The following INTS9 variants were observed in gnomAD, a reference collection of about 807,000 sequenced individuals.
INTS9 encodes integrator complex subunit 9.
In INTS9, 55 loss-of-function variants were observed where a neutral mutation model predicts 79.7. The ratio of observed to expected loss-of-function variants is 0.69; its 90% confidence interval spans 0.56 to 0.86. The LOEUF is 0.86. INTS9 is among the 40% of genes least tolerant of loss of function. INTS9 has a pLI of 0.00. For synonymous variants in INTS9, 319 were observed against 325.2 expected (o/e 0.98, Z 0.20); for missense variants, 721 against 831.5 (o/e 0.87, Z 1.64).
intron 6 of INTS9, among the ~76,000 whole-genome samples, chr8:28,827,213 G>A (rs897882356): frequency 1.3e-5 from 2 of 152,172 alleles, no homozygotes; most frequent in Admixed American, 6.5e-5. Flanking sequence ...TGTTTCATAA[G>A]TACTTTCTAA....
chr8:28,835,093 C>T (rs1275014551), intron 6 of INTS9, among the ~76,000 whole-genome samples, 199 bp downstream of exon 6: 1 of 152,198 alleles, frequency 6.6e-6, no homozygotes, highest in East Asian at 1.9e-4. Flanking sequence ...AACTCTGGTA[C>T]CCAGCATAGC....
intron 6 of INTS9, among the ~76,000 whole-genome samples, chr8:28,825,556 ATGGCCCTTCCC>A (rs895182339): frequency 1.3e-5 from 2 of 152,190 alleles, no homozygotes; most frequent in African/African-American, 4.8e-5. Flanking sequence ...TCTTCTCTTG[ATGGCCCTTCCC>A]AGCACAGCCT....
chr8:28,819,628 T>C lies in INTS9; in HGVS notation c.489-6016A>G, dbSNP rs571756547. Reference sequence around the variant, plus strand: ...GTGGTGCTGAAAAAATTGTATATTCTGTTGATTTGGGGTGGAGAGTTCTGT... The same window carrying C: ...GTGGTGCTGAAAAAATTGTATATTCCGTTGATTTGGGGTGGAGAGTTCTGT... On this transcript the variant is annotated intron_variant, in intron 6 of 16. Coordinates refer to ENST00000521022, the MANE Select transcript of INTS9 (RefSeq NM_018250.4). Among the ~76,000 whole-genome samples the C allele has an allele frequency of 3.3e-5, 5 of 152,348 alleles. No individual in the cohort carries two copies. In the East Asian group the frequency reaches 9.6e-4, roughly 29 times the overall value.
intron 8 of INTS9, among the ~76,000 whole-genome samples, chr8:28,810,704 A>C (rs1805064780): frequency 6.6e-6 from 1 of 152,206 alleles, no homozygotes; most frequent in Non-Finnish European, 1.5e-5. Context: ...ACAGCTAACT[A>C]ATGTCCCCCC....
intron 6 of INTS9, among the ~76,000 whole-genome samples, chr8:28,832,828 G>A (rs1806574059): frequency 6.6e-6 from 1 of 152,006 alleles, no homozygotes; most frequent in South Asian, 2.1e-4. Flanking sequence ...TGGGCATGGT[G>A]GCGCTCACCT....
intron 10 of INTS9, among the ~76,000 whole-genome samples, chr8:28,791,486 C>T (rs1426434295): frequency 1.3e-5 from 2 of 152,226 alleles, no homozygotes; most frequent in Admixed American, 6.5e-5. Context: ...CCACCCAACT[C>T]ATCCTTAAAT....
intron 6 of INTS9, among the ~76,000 whole-genome samples, chr8:28,825,833 G>T (rs1441563442): frequency 6.6e-6 from 1 of 152,180 alleles, no homozygotes; most frequent in African/African-American, 2.4e-5. Context: ...AGAAATTACT[G>T]GTGTTTCAAG....
intron 8 of INTS9, chr8:28,798,332 C>CAAGG (rs1804331943): frequency 6.6e-6 from 1 of 152,146 alleles, no homozygotes; most frequent in African/African-American, 2.4e-5. Context: ...AGAAAGGAAC[C>CAAGG]AAGGCATCAA....
intron 4 of INTS9, 126 bp from the exon 5 acceptor site, chr8:28,837,902 T>G: frequency 2.3e-6 from 2 of 869,976 alleles, no homozygotes; most frequent in Non-Finnish European, 3.5e-6. Context: ...ATGGCTTTCC[T>G]GCAACACTGC....
At chr8:28,776,993 G>C (rs1381963611) in intron 13 of INTS9, among the ~76,000 whole-genome samples, 1 of 152,210 alleles carries the variant, frequency 6.6e-6, no homozygotes, top group Non-Finnish European at 1.5e-5. Context: ...TACCTAGAGA[G>C]TGCCAGTATT....
chr8:28,768,472 A>C (rs1444130631), intron 16 of INTS9, 150 bp from the exon 17 acceptor site: 2 of 704,568 alleles, frequency 2.8e-6, no homozygotes, highest in Non-Finnish European at 4.9e-6. Context: ...TGATAGTGAT[A>C]GTTTCTTATA....
At chr8:28,793,203 C>A (rs1352756346) in intron 10 of INTS9, among the ~76,000 whole-genome samples, 2 of 152,180 alleles carry the variant, frequency 1.3e-5, no homozygotes, top group Non-Finnish European at 2.9e-5. Flanking sequence ...TTGGGAAGCA[C>A]CATTCTAAGG....
At chr8:28,817,133 T>C (rs1412313485) in intron 6 of INTS9, among the ~76,000 whole-genome samples, 2 of 150,596 alleles carry the variant, frequency 1.3e-5, no homozygotes, top group African/African-American at 4.9e-5. Context: ...TAGTTTCTTT[T>C]GCTGTGCAGA....
chr8:28,818,102 G>A (rs1234916370), intron 6 of INTS9, among the ~76,000 whole-genome samples: 2 of 145,074 alleles, frequency 1.4e-5, no homozygotes, highest in Non-Finnish European at 3.0e-5. Flanking sequence ...TGCAAACAGG[G>A]ACAATTTGAC....
intron 6 of INTS9, among the ~76,000 whole-genome samples, chr8:28,820,762 AT>A (rs942952493): frequency 1.4e-4 from 21 of 152,200 alleles, no homozygotes; most frequent in African/African-American, 5.1e-4. Flanking sequence ...GTTTCAGACA[AT>A]CAGAATGATG....
At chr8:28,882,731 A>C (rs1247154230) in intron 1 of INTS9, among the ~76,000 whole-genome samples, 2 of 152,194 alleles carry the variant, frequency 1.3e-5, no homozygotes, top group Admixed American at 6.5e-5. Flanking sequence ...TACAATACCT[A>C]TTAAAGAATA....
intron 5 of INTS9, 119 bp downstream of exon 5, chr8:28,837,518 T>G: frequency 9.1e-7 from 1 of 1,093,394 alleles, no homozygotes; most frequent in Non-Finnish European, 1.3e-6. Context: ...TGCCTGTTCT[T>G]TGGGTTAGTT....
In INTS9 at chr8:28,767,806, G is replaced by C. The variant is rs2130825129; in HGVS notation, c.*340C>G. 2 of 306,710 alleles carry C rather than the reference G, an allele frequency of 6.5e-6. No individual in the cohort carries two copies. Among genetic ancestry groups the C allele is most frequent in the South Asian group, 7.4e-5 (2 of 27,176 alleles). The allele number at this position is 306,710 out of a possible 1,614,324, so 19.0% of individuals were successfully genotyped here. A position where few individuals can be genotyped will look rare whatever the true frequency, so the allele number is the denominator to read the frequency against. On this transcript the variant is annotated 3_prime_UTR_variant, in exon 17 of 17. Coordinates refer to ENST00000521022, the MANE Select transcript of INTS9 (RefSeq NM_018250.4). ...ACGAAACCAAAGGCTGGCTCCCCTG[G>C]CCGAGGCCTGGGACTGATGCAAGAC...
intron 2 of INTS9, among the ~76,000 whole-genome samples, chr8:28,853,191 G>A (rs887533792): frequency 2.0e-5 from 3 of 152,034 alleles, no homozygotes; most frequent in African/African-American, 7.2e-5. Context: ...GAGGCGGATG[G>A]ATCACCTAGG....
Sources: gnomAD v4.1 joint callset for allele counts (sites outside exome capture counted in the v4.1 genomes callset) on GRCh38, gnomAD v4.1.1 for gene constraint, MANE v1.5 for transcripts, NCBI Gene and HGNC (gene_info 2026-07-23, HGNC 2026-07-21) for gene names.